The following NFKBID variants were observed in gnomAD, a reference collection of about 807,000 sequenced individuals.
The protein encoded by NFKBID is NFKB inhibitor delta.
In NFKBID, 26 loss-of-function variants were observed where a neutral mutation model predicts 53.4. That is an observed-to-expected ratio of 0.49 (90% CI 0.36 to 0.68). NFKBID has a LOEUF of 0.68. NFKBID is among the 30% of genes least tolerant of loss of function. NFKBID has a pLI of 0.00. For missense variants in NFKBID, 493 were observed against 614.1 expected (o/e 0.80, Z 2.08); for synonymous variants, 262 against 259.8 (o/e 1.01, Z -0.08).
rs776001959 is a variant in NFKBID, at chr19:35,896,851, A to G, written c.579-20T>C. The G allele has an allele frequency of 1.9e-6, 3 of 1,613,798 alleles. No individual in the cohort carries two copies. Among genetic ancestry groups the G allele is most frequent in the South Asian group, 1.1e-5 (1 of 91,068 alleles). On this transcript the variant is annotated intron_variant, in intron 5 of 11. Coordinates refer to ENST00000641389, the Ensembl canonical transcript of NFKBID. The surrounding 1 kb of genome is among the most constrained non-coding windows in gnomAD (Gnocchi z 5.7). ...AGGAGCCTGAGGACAGGTGGGGGACAGCCGTGAGAACAGCCCCCACCAAGC... is the reference window on the plus strand; with the variant it reads ...AGGAGCCTGAGGACAGGTGGGGGACGGCCGTGAGAACAGCCCCCACCAAGC...
chr19:35,889,846 C>G lies in NFKBID; in HGVS notation c.1314+44G>C, dbSNP rs762221825. 3 of 1,556,232 alleles carry G rather than the reference C, an allele frequency of 1.9e-6. No homozygotes were observed. The East Asian group carries it at 6.9e-5, about 36-fold the overall frequency. ...GGGCAGGGAGGTCATCCCGCGCCCGCGAGCTCAGAGGCCACTCTACAGGCA... is the reference window on the plus strand; with the variant it reads ...GGGCAGGGAGGTCATCCCGCGCCCGGGAGCTCAGAGGCCACTCTACAGGCA... On this transcript the variant is annotated intron_variant, in intron 11 of 11. Transcript: ENST00000641389.
upstream of NFKBID, chr19:35,900,807 CT>C (rs1182199670): frequency 3.6e-6 from 1 of 274,210 alleles, no homozygotes; most frequent in African/African-American, 2.5e-5. Context: ...CTTTTCTTTT[CT>C]TTTTCTTTTT....
upstream of NFKBID, chr19:35,900,725 C>G: frequency 9.5e-7 from 1 of 1,050,312 alleles, no homozygotes; most frequent in Non-Finnish European, 1.2e-6. Context: ...GAGCTGGGGT[C>G]CAGATCTTTG....
chr19:35,890,315 T>C (rs1599598379), intron 10 of NFKBID, 59 bp downstream of exon 10: 1 of 1,137,372 alleles, frequency 8.8e-7, no homozygotes, highest in Non-Finnish European at 1.3e-6. Context: ...ACCCCTAACA[T>C]CCCACTGCCC....
At chr19:35,901,953 G>A (rs915963822), upstream of NFKBID, 8 of 563,044 alleles carry the variant, frequency 1.4e-5, no homozygotes, top group African/African-American at 1.3e-4. Context: ...CATTCAGTGT[G>A]TGTTGTGATA....
intron 9 of NFKBID, among the ~76,000 whole-genome samples, chr19:35,893,871 G>C (rs1261518893): frequency 2.6e-5 from 4 of 151,580 alleles, no homozygotes; most frequent in African/African-American, 9.7e-5. Flanking sequence ...GGCAGGACTG[G>C]CCATGAGTGG....
At chr19:35,895,528 G>A (rs186304214) in intron 9 of NFKBID, among the ~76,000 whole-genome samples, 8 of 146,990 alleles carry the variant, frequency 5.4e-5, no homozygotes, top group East Asian at 2.1e-4. Context: ...CCTGCTGGGC[G>A]CGGTGGCTCA....
At chr19:35,900,623 G>T (rs575136861) in exon 1 of NFKBID, 25 of 1,229,472 alleles carry the variant, frequency 2.0e-5, no homozygotes, top group Non-Finnish European at 2.4e-5. Flanking sequence ...CCACAGGCCT[G>T]GGAGTCCCCG....
At chr19:35,893,592 G>A (rs1050979882) in intron 9 of NFKBID, among the ~76,000 whole-genome samples, 1 of 152,108 alleles carries the variant, frequency 6.6e-6, no homozygotes, top group African/African-American at 2.4e-5. Context: ...AGGCCGAGGC[G>A]GGTGGATCAC....
chr19:35,892,423 G>C (rs906194862), intron 9 of NFKBID, among the ~76,000 whole-genome samples: 18 of 151,540 alleles, frequency 1.2e-4, no homozygotes, highest in Admixed American at 1.2e-3. Context: ...GATAGCACAT[G>C]CCTATAGTCC....
chr19:35,900,822 C>CT (rs1975527947), upstream of NFKBID, among the ~76,000 whole-genome samples: 2 of 121,906 alleles, frequency 1.6e-5, no homozygotes, highest in Non-Finnish European at 1.7e-5. Context: ...TCTTTTTTTT[C>CT]TTTTCTTTTT....
intron 4 of NFKBID, chr19:35,897,367 G>A: frequency 1.8e-6 from 1 of 545,890 alleles, no homozygotes; most frequent in Non-Finnish European, 3.2e-6. Flanking sequence ...CAATTCCCCT[G>A]CCTCAGCCTC....
chr19:35,898,221 G>A (rs1975316587), intron 3 of NFKBID, among the ~76,000 whole-genome samples: 1 of 152,060 alleles, frequency 6.6e-6, no homozygotes, highest in Non-Finnish European at 1.5e-5. Flanking sequence ...AGGTGGCATC[G>A]CCTGTGGTCC....
chr19:35,890,395 C>A, exon 10 of NFKBID: 1 of 1,613,486 alleles, frequency 6.2e-7, no homozygotes, highest in Non-Finnish European at 8.5e-7. Flanking sequence ...CAAAGGTCCG[C>A]AGGTCTCCCC....
At chr19:35,898,757 G>A (rs1336196709) in exon 2 of NFKBID, 2 of 1,536,088 alleles carry the variant, frequency 1.3e-6, no homozygotes, top group Non-Finnish European at 8.7e-7. Context: ...TGCTGGCGGC[G>A]CCTCTGCTCT....
At chr19:35,888,246 A>C (rs1974523658) in exon 12 of NFKBID, 1 of 338,856 alleles carries the variant, frequency 3.0e-6, no homozygotes, top group African/African-American at 2.1e-5. Context: ...CGAAGAGCTG[A>C]GTTAGGGGAG....
intron 9 of NFKBID, among the ~76,000 whole-genome samples, 163 bp downstream of exon 9, chr19:35,895,817 G>C (rs745844187): frequency 7.9e-5 from 12 of 151,996 alleles, no homozygotes; most frequent in Non-Finnish European, 1.6e-4. Context: ...AACAAACAAA[G>C]AAACAAACAA....
chr19:35,888,838 G>T (rs1249090201), intron 11 of NFKBID, among the ~76,000 whole-genome samples: 1 of 152,182 alleles, frequency 6.6e-6, no homozygotes, highest in Non-Finnish European at 1.5e-5. Context: ...CTGAGGTCAG[G>T]AGTTCAAGAC....
At chr19:35,895,396 G>A (rs1339170113) in intron 9 of NFKBID, among the ~76,000 whole-genome samples, 1 of 152,060 alleles carries the variant, frequency 6.6e-6, no homozygotes, top group Non-Finnish European at 1.5e-5. Context: ...GCTAAGACAG[G>A]AGAATCACTT....
Sources: allele counts gnomAD v4.1 joint callset (sites outside exome capture counted in the v4.1 genomes callset), GRCh38; gene constraint gnomAD v4.1.1; non-coding constraint Gnocchi (gnomAD v3.1); transcripts MANE v1.5; gene names NCBI Gene and HGNC (gene_info 2026-07-23, HGNC 2026-07-21).